The following VCAN variants were observed in gnomAD, a reference collection of about 807,000 sequenced individuals.
The protein encoded by VCAN is versican.
VCAN carries 44 observed loss-of-function variants against 245.5 expected under a neutral mutation model. The ratio of observed to expected loss-of-function variants is 0.18; its 90% confidence interval spans 0.14 to 0.23. The LOEUF is 0.23. VCAN is among the 10% of genes least tolerant of loss of function. The probability of loss-of-function intolerance (pLI) is 1.00; values close to 1 mark genes in which losing one functional copy is unlikely to be tolerated. For missense variants in VCAN, 3,793 were observed against 4,057.9 expected (o/e 0.93, Z 1.77); for synonymous variants, 1,413 against 1,437.0 (o/e 0.98, Z 0.38).
intron 1 of VCAN, among the ~76,000 whole-genome samples, chr5:83,475,722 G>A (rs1205485127): frequency 1.3e-5 from 2 of 152,154 alleles, no homozygotes; most frequent in African/African-American, 4.8e-5. Context: ...GGTTCCAATG[G>A]ATTCCAATGT....
chr5:83,480,438 A>G (rs185623062), intron 1 of VCAN, among the ~76,000 whole-genome samples: 98 of 152,310 alleles, frequency 6.4e-4, no homozygotes, highest in Non-Finnish European at 1.1e-3. Flanking sequence ...GACAAACATC[A>G]TATTATTGGG....
chr5:83,478,500 G>A (rs991631219), intron 1 of VCAN, among the ~76,000 whole-genome samples: 10 of 152,174 alleles, frequency 6.6e-5, no homozygotes, highest in Admixed American at 2.6e-4. Flanking sequence ...GGACAAGGAT[G>A]TTCTTTGCAG....
At chr5:83,565,587 A>G (rs577918698) in intron 12 of VCAN, among the ~76,000 whole-genome samples, 1 of 152,038 alleles carries the variant, frequency 6.6e-6, no homozygotes, top group Non-Finnish European at 1.5e-5. Context: ...ACAGTGTCTG[A>G]CTCTTCTAGA....
At chr5:83,503,856 A>G (rs537857634) in intron 5 of VCAN, among the ~76,000 whole-genome samples, 1 of 152,310 alleles carries the variant, frequency 6.6e-6, no homozygotes, top group East Asian at 1.9e-4. Context: ...TTTACTCTAG[A>G]CTCAGGCTCT....
At chr5:83,493,505 G>T (rs1745049112) in intron 3 of VCAN, 41 bp from the exon 4 acceptor site, 1 of 1,612,318 alleles carries the variant, frequency 6.2e-7, no homozygotes, top group African/African-American at 1.3e-5. Flanking sequence ...TGCAGTGGGA[G>T]ATTTGAACAG....
chr5:83,513,417 G>C (rs961846377), intron 6 of VCAN, among the ~76,000 whole-genome samples: 2 of 152,146 alleles, frequency 1.3e-5, no homozygotes, highest in Non-Finnish European at 2.9e-5. Flanking sequence ...AAATACACAG[G>C]CATTTTTAAG....
rs1304018175 is a variant in VCAN, at chr5:83,483,559, C to T, written c.41C>T (p.Thr14Ile). The change falls in exon 2 of 15, where the codon ACC (threonine) becomes ATC (isoleucine). Residue 14 changes from threonine (T) to isoleucine (I), a missense_variant. Thr to Ile is a moderately conservative substitution (Grantham distance 89, BLOSUM62 -1). Transcript: ENST00000265077. ...AAGAGCATCTTATGGATGTGTTCAA[C>T]CTTAATAGTAACCCATGCGCTACAT... ...NIKSILWMCS[T>I]LIVTHALHKV... 1.2e-6 allele frequency: 2 copies of T among 1,613,478 alleles called. No individual in the cohort carries two copies. Among genetic ancestry groups the T allele is most frequent in the African/African-American group, 2.7e-5 (2 of 75,004 alleles).
intron 8 of VCAN, among the ~76,000 whole-genome samples, chr5:83,544,293 G>A (rs546127378): frequency 2.1e-4 from 32 of 152,330 alleles, no homozygotes; most frequent in African/African-American, 7.0e-4. Context: ...AGAAGTTGAT[G>A]TACTCATCTG....
intron 5 of VCAN, among the ~76,000 whole-genome samples, chr5:83,499,566 A>AT (rs1376416647): frequency 1.3e-5 from 2 of 151,904 alleles, no homozygotes; most frequent in African/African-American, 2.4e-5. Context: ...CCATGATACT[A>AT]TTTTTTCCTC....
In VCAN at chr5:83,505,507, G is replaced by C. The variant is rs569954556; in HGVS notation, c.749-6596G>C. Among the ~76,000 whole-genome samples the C allele has an allele frequency of 2.6e-5, 4 of 152,332 alleles. No individual in the cohort carries two copies. In the South Asian group the frequency reaches 8.3e-4, roughly 32 times the overall value. ...TCACACCCAGGTCACGCTGATGCAA[G>C]AGGTAGGTTCTTATGGTCTCGGGCA... On this transcript the variant is annotated intron_variant, in intron 5 of 14. Transcript: ENST00000265077.
chr5:83,493,647 G>C lies in VCAN; in HGVS notation c.547G>C (p.Glu183Gln), dbSNP rs1483147627. Residue 183 changes from glutamate to glutamine, a missense_variant, in exon 4 of 15, where the codon GAG (glutamate) becomes CAG (glutamine). Around this residue, in one of 5 missense-constraint regions of VCAN, gnomAD observed 190 missense variants for 288.6 expected, o/e 0.66. Transcript: ENST00000265077. ...CGTTGGGGCAGTCATAGCAACTCCA[G>C]AGCAGCTCTTTGCTGCCTATGAAGA... The part of the protein sequence containing the change: ...LDVGAVIATP[E>Q]QLFAAYEDGF... 2 of 1,614,154 alleles carry C rather than the reference G, an allele frequency of 1.2e-6. No individual in the cohort carries two copies. The highest frequency in any genetic ancestry group is 1.7e-5 in the Admixed American group (1 of 60,014).
chr5:83,507,583 C>T lies in VCAN; in HGVS notation c.749-4520C>T, dbSNP rs1465893422. Among the ~76,000 whole-genome samples, 7 of 152,162 alleles carry T rather than the reference C, an allele frequency of 4.6e-5. 1 individual carries two copies. Among genetic ancestry groups the T allele is most frequent in the Admixed American group, 3.9e-4 (6 of 15,266 alleles). ...GTGCCTATTTGATTTGCTTGATTTCCCATGTTTGCTGTGATCAGTGGCTTT... is the reference window on the plus strand; with the variant it reads ...GTGCCTATTTGATTTGCTTGATTTCTCATGTTTGCTGTGATCAGTGGCTTT... On this transcript the variant is annotated intron_variant, in intron 5 of 14. Coordinates refer to ENST00000265077, the MANE Select transcript of VCAN (RefSeq NM_004385.5).
chr5:83,564,192 T>C (rs542171886), intron 12 of VCAN, among the ~76,000 whole-genome samples: 1 of 152,270 alleles, frequency 6.6e-6, no homozygotes, highest in East Asian at 1.9e-4. Flanking sequence ...TTTTTTATTT[T>C]TATTTTTTTA....
At chr5:83,490,607 C>T (rs973108826) in intron 3 of VCAN, 135 bp downstream of exon 3, 18 of 1,321,230 alleles carry the variant, frequency 1.4e-5, no homozygotes, top group Admixed American at 6.4e-5. Context: ...CAGTAGTCCA[C>T]GTCTTTCACC....
chr5:83,541,166 A>G lies in VCAN; in HGVS notation c.8163A>G (p.Glu2721=). 6.2e-7 allele frequency: 1 copy of G among 1,614,088 alleles called. No individual in the cohort carries two copies. Among genetic ancestry groups the G allele is most frequent in the Non-Finnish European group, 8.5e-7 (1 of 1,180,000 alleles). The change falls in exon 8 of 15, where the codon GAA becomes GAG. Residue 2721 remains glutamate (E), a synonymous_variant. Coordinates refer to ENST00000265077, the MANE Select transcript of VCAN (RefSeq NM_004385.5). ...AEAKALDDMF[E]SSTLSDGQAI... is the part of the protein sequence containing the mutation. ...CAAAAGCCCTGGATGACATGTTTGA[A>G]TCAAGCACTTTGTCTGATGGTCAAG...
chr5:83,528,133 A>G (rs542430251), intron 7 of VCAN, among the ~76,000 whole-genome samples: 1 of 152,300 alleles, frequency 6.6e-6, no homozygotes, highest in African/African-American at 2.4e-5. Flanking sequence ...CATTAACACA[A>G]TCAAATACAG....
chr5:83,530,903 T>G (rs310511), intron 7 of VCAN, among the ~76,000 whole-genome samples: 13,102 of 152,146 alleles, frequency 0.086, 1,501 homozygotes, highest in African/African-American at 0.25. Context: ...GCTCATTTGA[T>G]TACATTAAAA....
intron 7 of VCAN, among the ~76,000 whole-genome samples, chr5:83,523,233 G>A (rs1746170543): frequency 6.6e-6 from 1 of 152,096 alleles, no homozygotes; most frequent in Non-Finnish European, 1.5e-5. Context: ...AAGCTGAGTT[G>A]AGAATATATA....
At chr5:83,514,510 G>T (rs1203820310) in intron 6 of VCAN, among the ~76,000 whole-genome samples, 4 of 151,092 alleles carry the variant, frequency 2.6e-5, no homozygotes, top group African/African-American at 9.7e-5. Context: ...GAGTGCAATG[G>T]TGCCATCTCA....
Sources: gnomAD v4.1 joint callset for allele counts (sites outside exome capture counted in the v4.1 genomes callset) on GRCh38, gnomAD v4.1.1 for gene constraint, gnomAD v4.1.1 regional missense constraint, MANE v1.5 for transcripts, NCBI Gene and HGNC (gene_info 2026-07-23, HGNC 2026-07-21) for gene names.